The following MRPL21 variants were observed in gnomAD, a reference collection of about 807,000 sequenced individuals.
The protein encoded by MRPL21 is large ribosomal subunit protein bL21m.
In MRPL21, 20 loss-of-function variants were observed where a neutral mutation model predicts 27.3. The ratio of observed to expected loss-of-function variants is 0.73; its 90% CI spans 0.52 to 1.06. The LOEUF (loss-of-function observed/expected upper bound fraction) is 1.06, where lower values mean the gene tolerates loss of function less well. Among genes scored for constraint, MRPL21 ranks in the 50% least tolerant of loss-of-function variants. The pLI, the probability that MRPL21 is intolerant of heterozygous loss-of-function variation, is 0.00. For synonymous variants in MRPL21, 98 were observed against 101.5 expected (o/e 0.97, Z 0.21); for missense variants, 249 against 251.4 (o/e 0.99, Z 0.06).
chr11:68,903,664 G>A, intron 1 of MRPL21, 59 bp downstream of exon 1: 1 of 1,574,426 alleles, frequency 6.4e-7, no homozygotes, highest in Non-Finnish European at 8.7e-7. Context: ...TACGTGGCGA[G>A]ACCGCAGGGA....
At position 68,898,032 on chromosome 11, in the gene MRPL21, G is replaced by C. The variant is rs751029835; in HGVS notation, c.147-20C>G. On this transcript the variant is annotated intron_variant, in intron 2 of 6. Transcript: ENST00000362034. Reference sequence around the variant, plus strand: ...ACATATCTGTAAAACACATTTCGTAGACAAATGTCACAAGCACCTGAAAAG... The same window carrying C: ...ACATATCTGTAAAACACATTTCGTACACAAATGTCACAAGCACCTGAAAAG... The C allele has an allele frequency of 3.1e-6, 5 of 1,594,120 alleles. No homozygotes were observed. In the African/African-American group the frequency reaches 6.7e-5, roughly 21 times the overall value.
In MRPL21 at chr11:68,896,523, G is replaced by T. The variant is rs746382949; in HGVS notation, c.388C>A (p.Leu130Met). The T allele has an allele frequency of 3.1e-6, 5 of 1,613,902 alleles. No individual in the cohort carries two copies. The East Asian group carries it at 1.1e-4, about 36-fold the overall frequency. ...LDLACGERIR[L>M]EKVLLVGADN... is the part of the protein sequence containing the mutation. ...AAGCTCGGTGGTCTCACCTTCTCCAGTCGAATTCTCTCTCCACACGCAAGG... is the reference window on the plus strand; with the variant it reads ...AAGCTCGGTGGTCTCACCTTCTCCATTCGAATTCTCTCTCCACACGCAAGG... The change falls in exon 4 of 7, where the codon CTG (leucine) becomes ATG (methionine). Residue 130 changes from leucine to methionine, a missense_variant. Leu to Met is a conservative substitution (Grantham distance 15). Coordinates refer to ENST00000362034, the MANE Select transcript of MRPL21 (RefSeq NM_181514.2).
chr11:68,898,881 G>A (rs989999034), intron 2 of MRPL21, among the ~76,000 whole-genome samples: 2 of 152,180 alleles, frequency 1.3e-5, no homozygotes, highest in Non-Finnish European at 2.9e-5. Context: ...TCTGCCTCCA[G>A]GGTTCCAGCG....
At position 68,900,547 on chromosome 11, in the gene MRPL21, C is replaced by A. The variant is rs1238311490; in HGVS notation, c.146+1G>T. 6.2e-7 allele frequency: 1 copy of A among 1,613,476 alleles called. No individual in the cohort carries two copies. The highest frequency in any genetic ancestry group is 1.3e-5 in the African/African-American group (1 of 74,870). ...CACCAAAACCCACATTTTGATATTA[C>A]CCTGGTAGATATGAAGTGCTCTGTG... On this transcript the variant is annotated splice_donor_variant, in intron 2 of 6. Coordinates refer to ENST00000362034, the MANE Select transcript of MRPL21 (RefSeq NM_181514.2). LOFTEE classifies it high-confidence loss of function.
chr11:68,900,962 C>T (rs558671554), intron 1 of MRPL21, among the ~76,000 whole-genome samples: 2 of 152,190 alleles, frequency 1.3e-5, no homozygotes, highest in Non-Finnish European at 2.9e-5. Flanking sequence ...ATTCTTACCC[C>T]TGTTAGCCCC....
In MRPL21 at chr11:68,893,433, T is replaced by C. The variant is rs1356813251; in HGVS notation, c.419A>G (p.Asn140Ser). 2.5e-6 allele frequency: 4 copies of C among 1,614,204 alleles called. No individual in the cohort carries two copies. Among genetic ancestry groups the C allele is most frequent in the East Asian group, 4.5e-5 (2 of 44,882 alleles). Reference protein sequence around the residue: ...LEKVLLVGADNFTLLGKPLLG... With the variant: ...LEKVLLVGADSFTLLGKPLLG... ...GAGTGGCTTGCCAAGCAGCGTGAAG[T>C]TGTCTGCCCCAACCAGCAGGACCTG... The change falls in exon 5 of 7, where the codon AAC becomes AGC. Residue 140 changes from asparagine to serine, a missense_variant. By Grantham distance (46) the Asn-to-Ser change is conservative. Transcript: ENST00000362034.
At chr11:68,903,666 C>T (rs1858035935) in intron 1 of MRPL21, 57 bp downstream of exon 1, 9 of 1,580,606 alleles carry the variant, frequency 5.7e-6, no homozygotes, top group Non-Finnish European at 7.8e-6. Context: ...CGTGGCGAGA[C>T]CGCAGGGAGC....
rs982457125 is a variant in MRPL21 at position 68,896,433 on chromosome 11, C to G, written c.396+82G>C. ...CCTGAGACGGGGTCGGCGAGGGTCCCTCCTCCGTGTGAGCTGGGGCGTGGA... is the reference window on the plus strand; with the variant it reads ...CCTGAGACGGGGTCGGCGAGGGTCCGTCCTCCGTGTGAGCTGGGGCGTGGA... On this transcript the variant is annotated intron_variant, in intron 4 of 6. Transcript: ENST00000362034. 4.5e-6 allele frequency: 7 copies of G among 1,538,964 alleles called. No individual in the cohort carries two copies. The African/African-American group carries it at 9.5e-5, about 21-fold the overall frequency.
At chr11:68,900,894 C>T (rs1181637068) in intron 1 of MRPL21, among the ~76,000 whole-genome samples, 1 of 152,266 alleles carries the variant, frequency 6.6e-6, no homozygotes, top group Non-Finnish European at 1.5e-5. Flanking sequence ...AGACTCTGAT[C>T]TGTGCCCAAG....
At chr11:68,897,644 G>A (rs1307950563) in intron 3 of MRPL21, 12 of 502,260 alleles carry the variant, frequency 2.4e-5, no homozygotes, top group Non-Finnish European at 3.6e-5. Flanking sequence ...GAGAGCTGTC[G>A]CTGCACCCAC....
At chr11:68,901,396 C>CGTAT (rs1857931040) in intron 1 of MRPL21, among the ~76,000 whole-genome samples, 1 of 152,104 alleles carries the variant, frequency 6.6e-6, no homozygotes, top group African/African-American at 2.4e-5. Context: ...ATAACGCATA[C>CGTAT]ACCAGGAATA....
chr11:68,898,153 T>C (rs576766462), intron 2 of MRPL21, 141 bp from the exon 3 acceptor site: 2 of 694,262 alleles, frequency 2.9e-6, no homozygotes, highest in African/African-American at 1.8e-5. Context: ...CCCGCCCCTC[T>C]GGGGTAACCC....
chr11:68,896,816 C>T (rs1042734518), intron 3 of MRPL21, 138 bp from the exon 4 acceptor site: 20 of 1,128,022 alleles, frequency 1.8e-5, no homozygotes, highest in East Asian at 1.2e-4. Flanking sequence ...TCACTGCTGG[C>T]GGCCCAGCCC....
At chr11:68,891,531 TC>T in intron 6 of MRPL21, 136 bp from the exon 7 acceptor site, 1 of 841,294 alleles carries the variant, frequency 1.2e-6, no homozygotes, top group Non-Finnish European at 2.0e-6. Flanking sequence ...CGTGTTTATC[TC>T]CAGGTGTGCA....
At chr11:68,891,967 A>AC (rs1566412980) in intron 6 of MRPL21, 16 of 764,410 alleles carry the variant, frequency 2.1e-5, no homozygotes, top group Non-Finnish European at 3.0e-5. Context: ...ACCTGCTAGG[A>AC]CAGCCCTACA....
At position 68,894,876 on chromosome 11, in the gene MRPL21, G is replaced by A. The variant is rs140356190; in HGVS notation, c.397-1421C>T. ...TATGCAAACATCTGCCTTCAGAGGA[G>A]GAGCTTTAATTCATAAAGAAAACCA... On this transcript the variant is annotated intron_variant, in intron 4 of 6. Transcript: ENST00000362034. Among the ~76,000 whole-genome samples, 352 of 152,302 alleles carry A rather than the reference G, an allele frequency of 2.3e-3. 1 individual carries two copies. The highest frequency in any genetic ancestry group is 7.4e-3 in the African/African-American group (306 of 41,564).
At chr11:68,893,999 C>T (rs1594403452) in intron 4 of MRPL21, among the ~76,000 whole-genome samples, 1 of 152,102 alleles carries the variant, frequency 6.6e-6, no homozygotes, top group Middle Eastern at 3.4e-3. Context: ...GCACTCCAGC[C>T]TGGGCGACAG....
intron 3 of MRPL21, chr11:68,897,651 C>T: frequency 1.9e-6 from 1 of 516,012 alleles, no homozygotes; most frequent in South Asian, 2.6e-5. Flanking sequence ...GTCGCTGCAC[C>T]CACCAACAGA....
chr11:68,891,508 T>C, intron 6 of MRPL21, 113 bp from the exon 7 acceptor site: 1 of 971,456 alleles, frequency 1.0e-6, no homozygotes, highest in South Asian at 1.3e-5. Flanking sequence ...CAACGTCCCC[T>C]GCTGCACATG....
Sources: allele counts gnomAD v4.1 joint callset (sites outside exome capture counted in the v4.1 genomes callset), GRCh38; gene constraint gnomAD v4.1.1; transcripts MANE v1.5; gene names NCBI Gene and HGNC (gene_info 2026-07-23, HGNC 2026-07-21).